The following FHOD3 variants were observed in gnomAD, a reference collection of about 807,000 sequenced individuals.
The protein encoded by FHOD3 is FH1/FH2 domain-containing protein 3.
A neutral mutation model predicts 173.0 loss-of-function variants in FHOD3; 90 were observed. That is an observed-to-expected ratio of 0.52 (90% CI 0.44 to 0.62). The LOEUF (loss-of-function observed/expected upper bound fraction) is 0.62. Among genes scored for constraint, FHOD3 ranks in the 20% least tolerant of loss-of-function variants. The pLI, the probability that FHOD3 is intolerant of heterozygous loss-of-function variation, is 0.00. For synonymous variants in FHOD3, 828 were observed against 823.0 expected (o/e 1.01, Z -0.10); for missense variants, 1,945 against 2,034.7 (o/e 0.96, Z 0.85).
At chr18:36,744,464 T>G (rs915291800) in intron 23 of FHOD3, among the ~76,000 whole-genome samples, 4 of 152,258 alleles carry the variant, frequency 2.6e-5, no homozygotes, top group African/African-American at 9.6e-5. Flanking sequence ...GCGTCCACTG[T>G]TAGGCAGTGT....
intron 5 of FHOD3, among the ~76,000 whole-genome samples, chr18:36,535,054 A>G (rs1396119400): frequency 6.6e-6 from 1 of 152,134 alleles, no homozygotes; most frequent in Non-Finnish European, 1.5e-5. Context: ...ACTCCATGCC[A>G]CCCCATCCCA....
chr18:36,460,817 T>C (rs796739054), intron 3 of FHOD3, among the ~76,000 whole-genome samples: 25 of 152,316 alleles, frequency 1.6e-4, no homozygotes, highest in African/African-American at 6.0e-4. Flanking sequence ...GAGAAGTGAA[T>C]ACAGAGGTGC....
At chr18:36,482,337 T>C (rs549102247) in intron 3 of FHOD3, among the ~76,000 whole-genome samples, 1 of 151,554 alleles carries the variant, frequency 6.6e-6, no homozygotes, top group Non-Finnish European at 1.5e-5. Flanking sequence ...GAAAGAAGAG[T>C]ATATTTGGGT....
chr18:36,693,290 C>T lies in FHOD3; in HGVS notation c.2103C>T (p.Asp701=). ...RSRSVSRGRA[D]LSLDLTSPAA... ...GGAGTGTGAGCCGGGGCAGAGCCGACCTCTCCTTGGACCTGACCTCGCCAG... is the reference window on the plus strand; with the variant it reads ...GGAGTGTGAGCCGGGGCAGAGCCGATCTCTCCTTGGACCTGACCTCGCCAG... Residue 701 remains aspartate, a synonymous_variant, in exon 17 of 29, where the codon GAC becomes GAT. Transcript: ENST00000590592. 6.2e-7 allele frequency: 1 copy of T among 1,613,848 alleles called. No individual in the cohort carries two copies. The highest frequency in any genetic ancestry group is 1.3e-5 in the African/African-American group (1 of 75,034).
At chr18:36,656,625 A>G (rs2036444912) in intron 13 of FHOD3, among the ~76,000 whole-genome samples, 1 of 152,224 alleles carries the variant, frequency 6.6e-6, no homozygotes, top group Middle Eastern at 3.2e-3. Context: ...TTTAAAAAAT[A>G]GCCCATTTTT....
rs750971454 is a variant in FHOD3, at chr18:36,760,799, C to T, written c.4624+17C>T. On this transcript the variant is annotated intron_variant, in intron 27 of 28. Coordinates refer to ENST00000590592, the MANE Select transcript of FHOD3 (RefSeq NM_001281740.3). ...CAAGCCGAGGTAACTCCTGGCTGCG[C>T]GGGGCTCGTCTTGTCTTCTCAGGTT... The T allele has an allele frequency of 5.0e-6, 8 of 1,596,666 alleles. No individual in the cohort carries two copies. Among genetic ancestry groups the T allele is most frequent in the South Asian group, 1.1e-5 (1 of 89,744 alleles).
At chr18:36,746,755 C>T (rs2042173021) in intron 23 of FHOD3, among the ~76,000 whole-genome samples, 190 bp from the exon 24 acceptor site, 1 of 152,150 alleles carries the variant, frequency 6.6e-6, no homozygotes, top group Admixed American at 6.5e-5. Flanking sequence ...ACAGTTTTAT[C>T]ACTAAATAAT....
chr18:36,470,107 G>T (rs2053191679), intron 3 of FHOD3, among the ~76,000 whole-genome samples: 1 of 152,176 alleles, frequency 6.6e-6, no homozygotes, highest in Non-Finnish European at 1.5e-5. Flanking sequence ...AGGCAGGCAG[G>T]GGCCATGCCT....
At chr18:36,570,371 A>T (rs190537813) in intron 5 of FHOD3, among the ~76,000 whole-genome samples, 1 of 152,108 alleles carries the variant, frequency 6.6e-6, no homozygotes, top group Non-Finnish European at 1.5e-5. Flanking sequence ...GACTAGCCCC[A>T]TTACTGTAAC....
At chr18:36,308,658 G>A (rs2144616390) in intron 1 of FHOD3, among the ~76,000 whole-genome samples, 1 of 152,276 alleles carries the variant, frequency 6.6e-6, no homozygotes, top group East Asian at 1.9e-4. Flanking sequence ...ACTTCATCCT[G>A]TGGCTGCGTC....
At chr18:36,617,905 A>C (rs1012324407) in intron 9 of FHOD3, among the ~76,000 whole-genome samples, 9 of 152,134 alleles carry the variant, frequency 5.9e-5, no homozygotes, top group African/African-American at 2.2e-4. Context: ...GCTAAATTAC[A>C]TTTCCTAGGA....
intron 10 of FHOD3, among the ~76,000 whole-genome samples, chr18:36,640,815 G>C (rs776070016): frequency 6.6e-5 from 10 of 152,054 alleles, no homozygotes; most frequent in Non-Finnish European, 1.3e-4. Flanking sequence ...CTGTGTGAAA[G>C]AAGGATTGCC....
chr18:36,423,890 G>A (rs1260722261), intron 3 of FHOD3, among the ~76,000 whole-genome samples: 1 of 152,176 alleles, frequency 6.6e-6, no homozygotes, highest in Non-Finnish European at 1.5e-5. Context: ...ACTCAGTTCT[G>A]TATAACACTT....
intron 24 of FHOD3, among the ~76,000 whole-genome samples, chr18:36,752,204 C>T (rs1288150805): frequency 6.6e-6 from 1 of 152,134 alleles, no homozygotes; most frequent in East Asian, 1.9e-4. Context: ...CTAAACAATG[C>T]ATGGGAATTA....
At chr18:36,525,997 C>T (rs1193421284) in intron 5 of FHOD3, among the ~76,000 whole-genome samples, 3 of 152,240 alleles carry the variant, frequency 2.0e-5, no homozygotes, top group Non-Finnish European at 2.9e-5. Context: ...CTTGGGTGAT[C>T]TTGGGATGAT....
chr18:36,424,512 A>G (rs1174274183), intron 3 of FHOD3, among the ~76,000 whole-genome samples: 1 of 151,964 alleles, frequency 6.6e-6, no homozygotes, highest in South Asian at 2.1e-4. Flanking sequence ...GAGCCTTTTG[A>G]TGGGTCACTC....
rs1037862433 is a variant in FHOD3, at chr18:36,535,026, T to G, written c.511+22483T>G. 2.6e-5 allele frequency among the ~76,000 whole-genome samples: 4 copies of G among 152,208 alleles called. No individual in the cohort carries two copies. In the South Asian group the frequency reaches 8.3e-4, roughly 32 times the overall value. On this transcript the variant is annotated intron_variant, in intron 5 of 28. Coordinates refer to ENST00000590592, the MANE Select transcript of FHOD3 (RefSeq NM_001281740.3). ...TTCTGTTTCTTGTTTTACTAACTTG[T>G]CCCGTTTGTTCCTTCAAACTCCATG...
At chr18:36,655,191 C>T (rs557962080) in intron 13 of FHOD3, among the ~76,000 whole-genome samples, 69 of 151,912 alleles carry the variant, frequency 4.5e-4, no homozygotes, top group African/African-American at 1.6e-3. Context: ...ACAGTTTTTG[C>T]GGAATGAATC....
chr18:36,321,870 A>G (rs2044411809), intron 1 of FHOD3, among the ~76,000 whole-genome samples: 1 of 152,356 alleles, frequency 6.6e-6, no homozygotes, highest in East Asian at 1.9e-4. Flanking sequence ...CCTGTGAGTC[A>G]TGAGGAGGGC....
Sources: allele counts gnomAD v4.1 joint callset (sites outside exome capture counted in the v4.1 genomes callset), GRCh38; gene constraint gnomAD v4.1.1; transcripts MANE v1.5; gene names NCBI Gene and HGNC (gene_info 2026-07-23, HGNC 2026-07-21).